SLC24A2: variants seen among roughly 807,000 people sequenced by gnomAD.
The protein encoded by SLC24A2 is solute carrier family 24 member 2.
Under a neutral mutation model 62.0 loss-of-function variants are expected in SLC24A2, and 36 were observed. The ratio of observed to expected loss-of-function variants is 0.58; its 90% CI spans 0.44 to 0.77. The LOEUF (loss-of-function observed/expected upper bound fraction) is 0.77. Among genes scored for constraint, SLC24A2 ranks in the 30% least tolerant of loss-of-function variants. SLC24A2 has a pLI of 0.00. For missense variants in SLC24A2, 846 were observed against 817.9 expected (o/e 1.03, Z -0.42); for synonymous variants, 358 against 294.0 (o/e 1.22, Z -2.23).
the SLC24A2 span, among the ~76,000 whole-genome samples, chr9:19,990,937 G>GTATATATATATATA: frequency 8.9e-5 from 12 of 135,226 alleles, 1 homozygote; most frequent in African/African-American, 3.3e-4. Flanking sequence ...ATATATATAT[G>GTATATATATATATA]TATGTATATG....
chr9:19,754,451 G>C (rs73646145), intron 2 of SLC24A2, among the ~76,000 whole-genome samples: 4,253 of 152,266 alleles, frequency 0.028, 116 homozygotes, highest in African/African-American at 0.064. Context: ...CTGGTGCCCA[G>C]TGTCTATTCC....
the SLC24A2 span, among the ~76,000 whole-genome samples, chr9:19,950,814 T>C: frequency 8.5e-5 from 13 of 152,190 alleles, no homozygotes; most frequent in African/African-American, 2.6e-4. Flanking sequence ...GCTTGGAAAA[T>C]GTAAACATCA....
the SLC24A2 span, among the ~76,000 whole-genome samples, chr9:19,980,887 T>C: frequency 1.3e-5 from 2 of 152,364 alleles, no homozygotes; most frequent in East Asian, 3.9e-4. Flanking sequence ...AGCCTCTGTA[T>C]ATTACGACTT....
the SLC24A2 span, among the ~76,000 whole-genome samples, chr9:20,089,765 C>G: frequency 1.4e-5 from 2 of 143,392 alleles, no homozygotes; most frequent in African/African-American, 5.1e-5. Flanking sequence ...CCTATGCTTA[C>G]GGCACCCCAC....
At chr9:20,105,031 A>C in the SLC24A2 span, among the ~76,000 whole-genome samples, 2 of 152,228 alleles carry the variant, frequency 1.3e-5, no homozygotes, top group South Asian at 2.1e-4. Flanking sequence ...AAACAAAAAA[A>C]GGTAGGGGTT....
chr9:19,611,011 G>T (rs1405498619), intron 4 of SLC24A2, among the ~76,000 whole-genome samples: 1 of 152,220 alleles, frequency 6.6e-6, no homozygotes, highest in Non-Finnish European at 1.5e-5. Context: ...CAAGTGTTAA[G>T]GAGAATGCAG....
At chr9:19,934,749 T>C in the SLC24A2 span, among the ~76,000 whole-genome samples, 1 of 152,164 alleles carries the variant, frequency 6.6e-6, no homozygotes, top group Non-Finnish European at 1.5e-5. This position sits in a 1 kb window ranked among gnomAD's most constrained non-coding sequence, Gnocchi z 4.1. Flanking sequence ...GCTCGGGAAC[T>C]TTCTCTTTTG....
chr9:19,649,790 GCA>G (rs1308087159), intron 2 of SLC24A2, among the ~76,000 whole-genome samples: 2 of 152,222 alleles, frequency 1.3e-5, no homozygotes, highest in African/African-American at 2.4e-5. Context: ...TGTCCAATTA[GCA>G]CAGTTTGCCA....
the SLC24A2 span, among the ~76,000 whole-genome samples, chr9:20,204,662 G>A: frequency 2.6e-5 from 4 of 151,332 alleles, no homozygotes; most frequent in Admixed American, 6.6e-5. Flanking sequence ...TCTGCATCAC[G>A]ACATACTTAC....
At chr9:19,625,669 C>T (rs1818014677) in intron 2 of SLC24A2, among the ~76,000 whole-genome samples, 1 of 149,346 alleles carries the variant, frequency 6.7e-6, no homozygotes, top group Non-Finnish European at 1.5e-5. Context: ...TGGTGGAAAT[C>T]CCATTTCCTT....
chr9:19,649,203 T>C lies in SLC24A2; in HGVS notation c.931-26904A>G, dbSNP rs542115960. On this transcript the variant is annotated intron_variant, in intron 2 of 10. Transcript: ENST00000341998. Reference sequence around the variant, plus strand: ...GTTTGGAACTATAGCTAAATAGCTTTGATAATCAGGGTACACAAAACTTTG... The same window carrying C: ...GTTTGGAACTATAGCTAAATAGCTTCGATAATCAGGGTACACAAAACTTTG... Among the ~76,000 whole-genome samples the C allele has an allele frequency of 9.2e-5, 14 of 152,204 alleles. No homozygotes were observed. The East Asian group carries it at 2.5e-3, about 27-fold the overall frequency.
the SLC24A2 span, among the ~76,000 whole-genome samples, chr9:19,861,608 C>A: frequency 6.6e-6 from 1 of 152,004 alleles, no homozygotes; most frequent in Non-Finnish European, 1.5e-5. Context: ...GGATCAATCC[C>A]AGAGAAAGAG....
the SLC24A2 span, among the ~76,000 whole-genome samples, chr9:20,252,452 C>T: frequency 6.6e-6 from 1 of 152,144 alleles, no homozygotes; most frequent in Non-Finnish European, 1.5e-5. Flanking sequence ...GGATGCCATG[C>T]TTTTTGACAC....
chr9:19,683,862 AGGGGCTCCACACCTC>A (rs1819795872), intron 2 of SLC24A2, among the ~76,000 whole-genome samples: 2 of 152,060 alleles, frequency 1.3e-5, no homozygotes, highest in Non-Finnish European at 2.9e-5. Context: ...TCCTGGGCCC[AGGGGCTCCACACCTC>A]TTTTTGTTTC....
intron 2 of SLC24A2, among the ~76,000 whole-genome samples, chr9:19,719,713 AAAAGG>A (rs1820967716): frequency 1.3e-5 from 2 of 152,350 alleles, no homozygotes; most frequent in African/African-American, 4.8e-5. Context: ...CTGATTAAAT[AAAAGG>A]AATTTCAAAC....
chr9:20,105,841 T>G, the SLC24A2 span, among the ~76,000 whole-genome samples: 5 of 151,822 alleles, frequency 3.3e-5, no homozygotes, highest in African/African-American at 9.7e-5. Context: ...AAGAAGTAAC[T>G]AAAATCAGAG....
chr9:19,572,544 C>T (rs759568075), intron 7 of SLC24A2, among the ~76,000 whole-genome samples: 12 of 152,130 alleles, frequency 7.9e-5, no homozygotes, highest in Admixed American at 1.3e-4. Flanking sequence ...CTTTCCTGCT[C>T]TGCCATGGTA....
chr9:19,875,148 G>GATAC, the SLC24A2 span, among the ~76,000 whole-genome samples: 1 of 152,086 alleles, frequency 6.6e-6, no homozygotes, highest in Non-Finnish European at 1.5e-5. Context: ...ATCATAAATG[G>GATAC]ATACCTTTGT....
chr9:19,692,631 C>G (rs955081441), intron 2 of SLC24A2, among the ~76,000 whole-genome samples: 9 of 152,106 alleles, frequency 5.9e-5, no homozygotes, highest in African/African-American at 2.2e-4. Flanking sequence ...TTCCAATAAT[C>G]ACTCTTTATT....
Sources: allele counts gnomAD v4.1 joint callset (sites outside exome capture counted in the v4.1 genomes callset), GRCh38; gene constraint gnomAD v4.1.1; non-coding constraint Gnocchi (gnomAD v3.1); transcripts MANE v1.5; gene names NCBI Gene and HGNC (gene_info 2026-07-23, HGNC 2026-07-21).